Variants in PRELID2 observed in about 807,000 individuals in gnomAD.
PRELID2 encodes the protein PRELI domain containing 2.
PRELID2 carries 25 observed loss-of-function variants against 28.4 expected under a neutral mutation model. The observed-to-expected ratio is 0.88, with a 90% CI of 0.64 to 1.23. The LOEUF (loss-of-function observed/expected upper bound fraction) is 1.23, where lower values mean the gene tolerates loss of function less well. Ranked by LOEUF, PRELID2 falls within the 50% of genes most tolerant of loss-of-function variation. The pLI, the probability that PRELID2 is intolerant of heterozygous loss-of-function variation, is 0.00. For missense variants in PRELID2, 201 were observed against 214.4 expected, an observed-to-expected ratio of 0.94 and a Z score of 0.39; for synonymous variants, 76 against 71.6, an observed-to-expected ratio of 1.06 and a Z score of -0.31.
chr5:145,825,208 AGAGT>A (rs1423878703), intron 1 of PRELID2, among the ~76,000 whole-genome samples: 1 of 122,818 alleles, frequency 8.1e-6, no homozygotes, highest in East Asian at 2.8e-4. Context: ...CCTCGGTGAT[AGAGT>A]GAGACTCTGT....
chr5:145,752,572 C>T (rs1272791871), downstream of PRELID2, among the ~76,000 whole-genome samples: 1 of 152,190 alleles, frequency 6.6e-6, no homozygotes, highest in East Asian at 1.9e-4. Flanking sequence ...CATGCTACAT[C>T]TTCCAATTCT....
At chr5:145,323,939 CT>C in the PRELID2 span, among the ~76,000 whole-genome samples, 1 of 152,294 alleles carries the variant, frequency 6.6e-6, no homozygotes, top group East Asian at 1.9e-4. Context: ...ATGCATGTGT[CT>C]TTATGGTATA....
intron 1 of PRELID2, among the ~76,000 whole-genome samples, chr5:145,555,856 C>T (rs1368403351): frequency 2.0e-5 from 3 of 152,120 alleles, no homozygotes; most frequent in Non-Finnish European, 4.4e-5. Flanking sequence ...GGCCCTACTG[C>T]CACTGCTTCC....
At chr5:145,584,400 C>A (rs1158601493) in intron 1 of PRELID2, among the ~76,000 whole-genome samples, 3 of 152,008 alleles carry the variant, frequency 2.0e-5, no homozygotes, top group Non-Finnish European at 2.9e-5. Context: ...ATGACAAAAA[C>A]ACAAAAATAA....
At chr5:145,703,294 G>A (rs982071617) in intron 1 of PRELID2, among the ~76,000 whole-genome samples, 3 of 152,168 alleles carry the variant, frequency 2.0e-5, no homozygotes, top group African/African-American at 7.2e-5. Flanking sequence ...AGTGAACTTC[G>A]TTGATTCAGC....
chr5:145,650,531 C>CATATATATATAT (rs56324486), intron 1 of PRELID2, among the ~76,000 whole-genome samples: 7 of 68,732 alleles, frequency 1.0e-4, no homozygotes, highest in South Asian at 5.9e-4. Context: ...CACATATATA[C>CATATATATATAT]ATATATATAT....
chr5:145,470,906 T>C (rs1373083591), downstream of PRELID2, among the ~76,000 whole-genome samples: 1 of 152,016 alleles, frequency 6.6e-6, no homozygotes, highest in African/African-American at 2.4e-5. Context: ...GGGCATGTCT[T>C]TGTCTTCATT....
chr5:145,379,060 T>G, the PRELID2 span, among the ~76,000 whole-genome samples: 1 of 152,204 alleles, frequency 6.6e-6, no homozygotes, highest in Non-Finnish European at 1.5e-5. Context: ...TTCAGCCAGC[T>G]GGACTTATTT....
At chr5:145,668,862 C>A (rs1212802939) in intron 1 of PRELID2, among the ~76,000 whole-genome samples, 1 of 152,082 alleles carries the variant, frequency 6.6e-6, no homozygotes, top group Non-Finnish European at 1.5e-5. Flanking sequence ...GCAGAGTGAG[C>A]CCTGGAGATG....
downstream of PRELID2, among the ~76,000 whole-genome samples, chr5:145,470,229 A>AG: frequency 6.6e-6 from 1 of 152,116 alleles, no homozygotes; most frequent in East Asian, 1.9e-4. Flanking sequence ...GTAGCAAAAA[A>AG]GAAGCCATAG....
the PRELID2 span, among the ~76,000 whole-genome samples, chr5:145,362,926 A>C: frequency 6.6e-6 from 1 of 152,146 alleles, no homozygotes; most frequent in Non-Finnish European, 1.5e-5. Context: ...ATCTGTTTTG[A>C]CACCACACCA....
At chr5:145,574,059 A>T (rs949006994) in intron 1 of PRELID2, among the ~76,000 whole-genome samples, 1 of 152,190 alleles carries the variant, frequency 6.6e-6, no homozygotes, top group South Asian at 2.1e-4. Flanking sequence ...AAATACGAAG[A>T]TTCTCATGGA....
rs1221167284 is a variant in PRELID2, at chr5:145,818,066, A to C, written c.208-12T>G. 2 of 1,610,336 alleles carry C rather than the reference A, an allele frequency of 1.2e-6. No individual in the cohort carries two copies. The highest frequency in any genetic ancestry group is 1.7e-6 in the Non-Finnish European group (2 of 1,178,350). On this transcript the variant is annotated splice_polypyrimidine_tract_variant and intron_variant, in intron 3 of 6. Transcript: ENST00000683046. ...TTCAAAATGCTCACCTGTCCAACAGAAAGAAAATGGCTTTTTCAATTTAGG... is the reference window on the plus strand; with the variant it reads ...TTCAAAATGCTCACCTGTCCAACAGCAAGAAAATGGCTTTTTCAATTTAGG...
At chr5:145,413,830 C>T in the PRELID2 span, among the ~76,000 whole-genome samples, 1 of 152,046 alleles carries the variant, frequency 6.6e-6, no homozygotes, top group African/African-American at 2.4e-5. Flanking sequence ...TTTTATATAA[C>T]CTAATGACCG....
intron 5 of PRELID2, among the ~76,000 whole-genome samples, chr5:145,768,711 C>T (rs932939626): frequency 7.9e-5 from 12 of 152,198 alleles, no homozygotes; most frequent in African/African-American, 2.9e-4. Flanking sequence ...TTAAGACCTC[C>T]ACCACTTATT....
At chr5:145,802,274 T>C (rs1475143832) in intron 4 of PRELID2, among the ~76,000 whole-genome samples, 1 of 152,182 alleles carries the variant, frequency 6.6e-6, no homozygotes, top group Non-Finnish European at 1.5e-5. Context: ...TGTAACCAGA[T>C]ATATATGTGC....
chr5:145,835,003 C>T (rs1233187225), intron 1 of PRELID2, 174 bp downstream of exon 1: 10 of 515,064 alleles, frequency 1.9e-5, no homozygotes, highest in Non-Finnish European at 3.6e-5. Flanking sequence ...CCTTTTCCCG[C>T]TCCCTGTAAA....
chr5:145,232,659 CTATT>C, the PRELID2 span, among the ~76,000 whole-genome samples: 69 of 152,088 alleles, frequency 4.5e-4, no homozygotes, highest in Non-Finnish European at 6.2e-4. Context: ...ATGGGACTAT[CTATT>C]CCCTCCTGGG....
chr5:145,743,620 G>A (rs1328153001), intron 1 of PRELID2, among the ~76,000 whole-genome samples: 1 of 151,898 alleles, frequency 6.6e-6, no homozygotes, highest in Non-Finnish European at 1.5e-5. Context: ...AGCCAAGGGA[G>A]GTAGTGAGTG....
Sources: gnomAD v4.1 joint callset for allele counts (sites outside exome capture counted in the v4.1 genomes callset) on GRCh38, gnomAD v4.1.1 for gene constraint, MANE v1.5 for transcripts, NCBI Gene and HGNC (gene_info 2026-07-23, HGNC 2026-07-21) for gene names.